MYCBPAP: variants seen among roughly 807,000 people sequenced by gnomAD.
MYCBPAP encodes MYCBP associated protein.
Under a neutral mutation model 106.1 loss-of-function variants are expected in MYCBPAP, and 60 were observed. The ratio of observed to expected loss-of-function variants is 0.57; its 90% CI spans 0.46 to 0.70. The LOEUF (loss-of-function observed/expected upper bound fraction) is 0.70, where lower values mean the gene tolerates loss of function less well. Among genes scored for constraint, MYCBPAP ranks in the 30% least tolerant of loss-of-function variants. The probability of loss-of-function intolerance (pLI) is 0.00; values close to 1 mark genes in which losing one functional copy is unlikely to be tolerated. For synonymous variants in MYCBPAP, 407 were observed against 440.6 expected (o/e 0.92, Z 0.95); for missense variants, 1,064 against 1,169.3 (o/e 0.91, Z 1.31).
At chr17:50,509,004 G>A in intron 1 of MYCBPAP, 1 of 702,692 alleles carries the variant, frequency 1.4e-6, no homozygotes, top group Non-Finnish European at 2.6e-6. Flanking sequence ...ACCACTGGCT[G>A]GGGAGATGGC....
rs776163398 is a variant in MYCBPAP, at chr17:50,525,958, G to A, written c.1860G>A (p.Glu620=). The A allele has an allele frequency of 1.9e-6, 3 of 1,613,796 alleles. No individual in the cohort carries two copies. The highest frequency in any genetic ancestry group is 2.5e-6 in the Non-Finnish European group (3 of 1,180,016). The change falls in exon 14 of 19, where the codon GAG becomes GAA. Residue 620 remains glutamate, a synonymous_variant. Transcript: ENST00000323776. ...RQYMTLPAKA[E]EARPGDKEHV... ...ACATGACCCTGCCCGCCAAGGCTGAGGAGGCCAGGCCAGGGGACAAGGAGC... is the reference window on the plus strand; with the variant it reads ...ACATGACCCTGCCCGCCAAGGCTGAAGAGGCCAGGCCAGGGGACAAGGAGC...
chr17:50,515,639 A>G (rs1171456755), intron 1 of MYCBPAP, among the ~76,000 whole-genome samples: 1 of 152,194 alleles, frequency 6.6e-6, no homozygotes, highest in Non-Finnish European at 1.5e-5. Context: ...TGCAGTAGTC[A>G]GGAAGCTGTA....
In MYCBPAP at chr17:50,517,508, A is replaced by G. The variant is rs748578096; in HGVS notation, c.364+56A>G. 6 of 1,614,044 alleles carry G rather than the reference A, an allele frequency of 3.7e-6. No homozygotes were observed. The South Asian group carries it at 6.6e-5, about 18-fold the overall frequency. The stretch of plus-strand genomic sequence containing the variant: ...TCTTTCAACTCATGGGTCAGCCTCA[A>G]GAGAAACCCAGTCTCCATCAGAAAG... On this transcript the variant is annotated intron_variant, in intron 3 of 18. Transcript: ENST00000323776.
chr17:50,508,791 G>A (rs1449122106), intron 1 of MYCBPAP, 41 bp downstream of exon 1: 1 of 1,551,302 alleles, frequency 6.4e-7, no homozygotes, highest in South Asian at 1.1e-5. Flanking sequence ...GAACCCGAGA[G>A]GGGAAGCGGT....
intron 7 of MYCBPAP, 168 bp downstream of exon 7, chr17:50,519,955 T>A: frequency 1.5e-6 from 1 of 673,666 alleles, no homozygotes; most frequent in Non-Finnish European, 2.4e-6. Context: ...TCCGGCTCCC[T>A]CTTCTTTTTC....
In MYCBPAP at chr17:50,523,351, G is replaced by A. The variant is rs539188217; in HGVS notation, c.1447+223G>A. Among the ~76,000 whole-genome samples the A allele has an allele frequency of 2.0e-5, 3 of 152,348 alleles. No individual in the cohort carries two copies. The South Asian group carries it at 6.2e-4, about 32-fold the overall frequency. ...TGGGGAGGTGAGCCACCAGGGAGCA[G>A]AAGCGTTCTAGGGGCTCAGTTATCT... On this transcript the variant is annotated intron_variant, in intron 11 of 18. Transcript: ENST00000323776.
rs1295108373 is a variant in MYCBPAP at position 50,527,409 on chromosome 17, G to T, written c.2291+1G>T. On this transcript the variant is annotated splice_donor_variant, in intron 15 of 18. Transcript: ENST00000323776. LOFTEE classifies it high-confidence loss of function. Reference sequence around the variant, plus strand: ...AGTCCAACCTCCTGCACCAGATGTGGTAGGTGCCCTGCCAGGAGAGCTGCC... The same window carrying T: ...AGTCCAACCTCCTGCACCAGATGTGTTAGGTGCCCTGCCAGGAGAGCTGCC... 6.2e-7 allele frequency: 1 copy of T among 1,613,778 alleles called. No homozygotes were observed. The highest frequency in any genetic ancestry group is 8.5e-7 in the Non-Finnish European group (1 of 1,179,916).
chr17:50,514,451 GA>G (rs2078840345), intron 1 of MYCBPAP, among the ~76,000 whole-genome samples: 1 of 152,136 alleles, frequency 6.6e-6, no homozygotes, highest in African/African-American at 2.4e-5. Flanking sequence ...AAACCATTCT[GA>G]ACCAGAGGGA....
intron 18 of MYCBPAP, chr17:50,529,727 A>G (rs1196268314): frequency 8.8e-6 from 4 of 456,016 alleles, no homozygotes; most frequent in Non-Finnish European, 1.8e-5. Context: ...AGGGGAACAG[A>G]GAGGAAGGAA....
upstream of MYCBPAP, among the ~76,000 whole-genome samples, chr17:50,507,799 TC>T (rs2033672581): frequency 6.6e-6 from 1 of 152,144 alleles, no homozygotes; most frequent in Non-Finnish European, 1.5e-5. Flanking sequence ...CTGAGGCAGC[TC>T]CTGCTCTCAT....
intron 12 of MYCBPAP, 142 bp from the exon 13 acceptor site, chr17:50,524,735 T>TGAGAGAGAGA (rs1023452414): frequency 1.3e-5 from 3 of 238,878 alleles, no homozygotes; most frequent in African/African-American, 1.2e-4. Context: ...TGTGTGTGTG[T>TGAGAGAGAGA]GTGAGAGAGA....
intron 9 of MYCBPAP, 45 bp downstream of exon 9, chr17:50,521,476 C>CA: frequency 7.3e-7 from 1 of 1,365,912 alleles, no homozygotes; most frequent in South Asian, 1.2e-5. Flanking sequence ...AAGAGTTCTC[C>CA]AGCACCTACC....
In MYCBPAP at chr17:50,528,709, C is replaced by T. The variant is rs201691576; in HGVS notation, c.2422C>T (p.Pro808Ser). The change falls in exon 17 of 19, where the codon CCT (proline) becomes TCT (serine). Residue 808 changes from proline to serine, a missense_variant. Coordinates refer to ENST00000323776, the MANE Select transcript of MYCBPAP (RefSeq NM_032133.6). ...ACCTCCCTTAGATCAAAAATCACCT[C>T]CTATCATGGAAGTGAAGGTACCTGT... The part of the protein sequence containing the change: ...VPEEQDQKSP[P>S]IMEVKVPVGK... 558 of 1,613,862 alleles carry T rather than the reference C, an allele frequency of 3.5e-4. 1 individual carries two copies. The highest frequency in any genetic ancestry group is 4.4e-4 in the Non-Finnish European group (515 of 1,179,900).
intron 15 of MYCBPAP, 104 bp downstream of exon 15, chr17:50,527,512 G>A: frequency 2.0e-6 from 3 of 1,463,528 alleles, no homozygotes; most frequent in South Asian, 2.6e-5. Context: ...AGCTTCCGTT[G>A]AGCTCAGGTT....
At chr17:50,529,293 G>T in intron 18 of MYCBPAP, 105 bp downstream of exon 18, 4 of 1,123,524 alleles carry the variant, frequency 3.6e-6, no homozygotes, top group Non-Finnish European at 5.0e-6. Flanking sequence ...TGGAAGCAGA[G>T]CTGCTTCAGG....
chr17:50,509,194 G>C (rs1220648572), intron 1 of MYCBPAP: 5 of 701,184 alleles, frequency 7.1e-6, no homozygotes, highest in African/African-American at 1.7e-5. Context: ...ATTTGGTAGA[G>C]GAGGGTCGGG....
In MYCBPAP at chr17:50,522,046, G is replaced by GCTGTTCT. The variant is rs758226491; in HGVS notation, c.1224_1225insGTTCTCT (p.Cys409ValfsTer9). 8.7e-6 allele frequency: 14 copies of GCTGTTCT among 1,613,918 alleles called. No individual in the cohort carries two copies. Among genetic ancestry groups the GCTGTTCT allele is most frequent in the Middle Eastern group, 1.6e-4 (1 of 6,080 alleles). ...TTCTCTGCTGTTCTGTGGGAAGCCA[G>GCTGTTCT]CTTGCTGGATCAGAGGCAGTAATCC... is the stretch of plus-strand genomic sequence containing the variant. On this transcript the variant is annotated frameshift_variant, in exon 10 of 19. Transcript: ENST00000323776. LOFTEE classifies it high-confidence loss of function.
chr17:50,513,368 CAG>C (rs1695005123), intron 1 of MYCBPAP, among the ~76,000 whole-genome samples: 2 of 149,528 alleles, frequency 1.3e-5, no homozygotes, highest in Admixed American at 6.7e-5. Flanking sequence ...GCCTGGGGGA[CAG>C]AGTGAGACTC....
chr17:50,529,948 C>A, intron 18 of MYCBPAP: 6 of 430,616 alleles, frequency 1.4e-5, no homozygotes, highest in South Asian at 9.6e-5. Context: ...AGGGGAGGTC[C>A]ACAAAGCCAT....
Sources: allele counts gnomAD v4.1 joint callset (sites outside exome capture counted in the v4.1 genomes callset), GRCh38; gene constraint gnomAD v4.1.1; transcripts MANE v1.5; gene names NCBI Gene and HGNC (gene_info 2026-07-23, HGNC 2026-07-21).